The following HPSE2 variants were observed in gnomAD, a reference collection of about 807,000 sequenced individuals.
HPSE2 encodes the protein heparanase 2 (inactive).
HPSE2 carries 38 observed loss-of-function variants against 60.5 expected under a neutral mutation model. That is an observed-to-expected ratio of 0.63 (90% CI 0.48 to 0.82). The LOEUF is 0.82. HPSE2 is among the 40% of genes least tolerant of loss of function. The pLI is 0.00. For synonymous variants in HPSE2, 295 were observed against 293.2 expected (o/e 1.01, Z -0.06); for missense variants, 713 against 740.4 (o/e 0.96, Z 0.43).
At chr10:98,884,244 C>T (rs1325576484) in intron 3 of HPSE2, among the ~76,000 whole-genome samples, 2 of 152,112 alleles carry the variant, frequency 1.3e-5, no homozygotes, top group Non-Finnish European at 2.9e-5. Flanking sequence ...AAGAAGCTAT[C>T]TCCAGAACAT....
intron 3 of HPSE2, among the ~76,000 whole-genome samples, chr10:99,115,289 G>A (rs1844640805): frequency 6.6e-6 from 1 of 151,954 alleles, no homozygotes; most frequent in Admixed American, 6.6e-5. Flanking sequence ...AAGTAGCTGG[G>A]ACTGCAGGCG....
chr10:99,209,980 G>A (rs558006934), intron 2 of HPSE2, among the ~76,000 whole-genome samples: 7 of 152,104 alleles, frequency 4.6e-5, no homozygotes, highest in African/African-American at 7.2e-5. Flanking sequence ...AAGCCACTGC[G>A]CCCAGCCTTA....
intron 3 of HPSE2, among the ~76,000 whole-genome samples, chr10:99,014,769 T>C (rs1957098312): frequency 6.6e-6 from 1 of 152,148 alleles, no homozygotes; most frequent in Non-Finnish European, 1.5e-5. Context: ...GGGCAAGGAC[T>C]TCATGTCTAA....
the HPSE2 span, among the ~76,000 whole-genome samples, chr10:99,252,204 C>T: frequency 6.6e-6 from 1 of 151,998 alleles, no homozygotes; most frequent in Non-Finnish European, 1.5e-5. Flanking sequence ...AACCCACAGC[C>T]AACATCATAC....
intron 9 of HPSE2, among the ~76,000 whole-genome samples, chr10:98,512,841 A>ACACACACACACACACC: frequency 6.6e-6 from 1 of 150,982 alleles, no homozygotes; most frequent in South Asian, 2.1e-4. Context: ...ACACACACAC[A>ACACACACACACACACC]CAGGCACACT....
intron 2 of HPSE2, among the ~76,000 whole-genome samples, chr10:99,175,488 G>A (rs1847489261): frequency 6.6e-6 from 1 of 152,008 alleles, no homozygotes; most frequent in South Asian, 2.1e-4. Flanking sequence ...CCCTCACAGT[G>A]TAAACAAAGC....
At chr10:98,720,538 T>C (rs1202917821) in intron 5 of HPSE2, among the ~76,000 whole-genome samples, 1 of 152,116 alleles carries the variant, frequency 6.6e-6, no homozygotes, top group East Asian at 1.9e-4. Flanking sequence ...CCTGATGAAA[T>C]TGTTCTGAAA....
chr10:99,099,491 C>A (rs1284617035), intron 3 of HPSE2, among the ~76,000 whole-genome samples: 2 of 152,210 alleles, frequency 1.3e-5, no homozygotes, highest in Admixed American at 1.3e-4. Context: ...ACAAAGCAGG[C>A]TGGAAGCTTG....
intron 3 of HPSE2, among the ~76,000 whole-genome samples, chr10:98,880,923 C>T (rs1953005041): frequency 6.6e-6 from 1 of 152,060 alleles, no homozygotes; most frequent in Non-Finnish European, 1.5e-5. Context: ...ATTGCTTTCC[C>T]AGTCCTAATT....
At chr10:99,252,610 C>G in the HPSE2 span, among the ~76,000 whole-genome samples, 1 of 152,156 alleles carries the variant, frequency 6.6e-6, no homozygotes, top group Non-Finnish European at 1.5e-5. Context: ...GGCGCAGTGG[C>G]TCACGCCTGT....
intron 3 of HPSE2, among the ~76,000 whole-genome samples, chr10:98,935,873 GA>G (rs1168008384): frequency 6.9e-6 from 1 of 145,064 alleles, no homozygotes; most frequent in Admixed American, 6.8e-5. Context: ...CAAGAGGCAA[GA>G]AAGATCAGGT....
rs1950298564 is a variant in HPSE2, at chr10:98,774,343, T to C, written c.611-30287A>G. On this transcript the variant is annotated intron_variant, in intron 3 of 11. Coordinates refer to ENST00000370552, the MANE Select transcript of HPSE2 (RefSeq NM_021828.5). ...CATATATCAAGCAGAAAACAGAAGC[T>C]AGACATCCACAGCTATTAAAACAAC... Among the ~76,000 whole-genome samples the C allele has an allele frequency of 2.6e-5, 4 of 152,116 alleles. No individual in the cohort carries two copies. The South Asian group carries it at 8.3e-4, about 31-fold the overall frequency.
chr10:98,622,223 C>A (rs1946092932), intron 7 of HPSE2, among the ~76,000 whole-genome samples: 3 of 151,696 alleles, frequency 2.0e-5, no homozygotes, highest in Non-Finnish European at 4.4e-5. Flanking sequence ...TAAAAAAAAA[C>A]ACACTGAGTG....
intron 3 of HPSE2, among the ~76,000 whole-genome samples, chr10:99,134,195 A>T (rs530092721): frequency 1.3e-5 from 2 of 152,210 alleles, no homozygotes; most frequent in Non-Finnish European, 2.9e-5. Context: ...GAACAGAAAA[A>T]GCCTCCAAGA....
chr10:99,313,170 T>C, the HPSE2 span, among the ~76,000 whole-genome samples: 3 of 152,190 alleles, frequency 2.0e-5, no homozygotes, highest in African/African-American at 7.2e-5. Flanking sequence ...GCCTGAGGTA[T>C]TGCTTTCTAG....
intron 2 of HPSE2, among the ~76,000 whole-genome samples, chr10:99,144,701 G>T (rs894636116): frequency 1.3e-5 from 2 of 152,136 alleles, no homozygotes; most frequent in Admixed American, 1.3e-4. Flanking sequence ...TACCTCCTGG[G>T]GCCTTTTCTT....
At chr10:98,980,049 T>C (rs1489414983) in intron 3 of HPSE2, among the ~76,000 whole-genome samples, 1 of 152,220 alleles carries the variant, frequency 6.6e-6, no homozygotes, top group Non-Finnish European at 1.5e-5. Flanking sequence ...TGTATCTTCA[T>C]GTTTGTAATT....
intron 3 of HPSE2, among the ~76,000 whole-genome samples, chr10:98,879,324 G>T (rs891743179): frequency 2.0e-5 from 3 of 151,982 alleles, no homozygotes; most frequent in Non-Finnish European, 4.4e-5. Context: ...ACACATATCT[G>T]CATGCTGTAA....
intron 5 of HPSE2, among the ~76,000 whole-genome samples, chr10:98,700,082 G>C (rs1948359738): frequency 6.6e-6 from 1 of 151,080 alleles, no homozygotes; most frequent in South Asian, 2.1e-4. Flanking sequence ...GTAATTTATA[G>C]ATTCAATGCC....
Sources: allele counts gnomAD v4.1 joint callset (sites outside exome capture counted in the v4.1 genomes callset), GRCh38; gene constraint gnomAD v4.1.1; transcripts MANE v1.5; gene names NCBI Gene and HGNC (gene_info 2026-07-23, HGNC 2026-07-21).